The following CCN4 variants were observed in gnomAD, a reference collection of about 807,000 sequenced individuals.
CCN4 encodes cellular communication network factor 4, also known as CCN family member 4.
A neutral mutation model predicts 36.7 loss-of-function variants in CCN4; 30 were observed. The observed-to-expected ratio is 0.82, with a 90% CI of 0.61 to 1.11. The LOEUF is 1.11. Among genes scored for constraint, CCN4 ranks in the 50% least tolerant of loss-of-function variants. CCN4 has a pLI of 0.00. For synonymous variants in CCN4, 191 were observed against 195.4 expected, an observed-to-expected ratio of 0.98 and a Z score of 0.19; for missense variants, 505 against 504.9, an observed-to-expected ratio of 1.00 and a Z score of 0.00.
In CCN4 at chr8:133,215,448, GATAC is replaced by G. The variant is rs767794639; in HGVS notation, c.349+2306_349+2309del. Among the ~76,000 whole-genome samples the G allele has an allele frequency of 6.9e-3, 1,046 of 152,230 alleles. 6 individuals are homozygous for G. The highest frequency in any genetic ancestry group is 0.012 in the Non-Finnish European group (839 of 68,004). ...AACTGTTCTTCAAGGTCATTAAAAA[GATAC>G]TTCTTTTCACTACCATTGCATTAAT... On this transcript the variant is annotated intron_variant, in intron 2 of 4. Transcript: ENST00000250160.
intron 1 of CCN4, among the ~76,000 whole-genome samples, chr8:133,194,454 GTA>G (rs1853250115): frequency 2.3e-5 from 2 of 85,642 alleles, no homozygotes; most frequent in Admixed American, 1.1e-4. Flanking sequence ...TGTGTGTGTG[GTA>G]TGTGTGTGGG....
At chr8:133,206,494 G>A (rs115997898) in intron 1 of CCN4, among the ~76,000 whole-genome samples, 198 of 152,250 alleles carry the variant, frequency 1.3e-3, no homozygotes, top group African/African-American at 4.5e-3. Flanking sequence ...CCTTTTTTTG[G>A]GGGGTGGAAA....
chr8:133,201,952 T>C (rs1313674843), intron 1 of CCN4, among the ~76,000 whole-genome samples: 1 of 152,204 alleles, frequency 6.6e-6, no homozygotes, highest in East Asian at 1.9e-4. Flanking sequence ...CCGATGCGTA[T>C]GTAGGGTTCG....
intron 3 of CCN4, among the ~76,000 whole-genome samples, chr8:133,224,457 C>G (rs1348092223): frequency 6.6e-6 from 1 of 151,724 alleles, no homozygotes; most frequent in Non-Finnish European, 1.5e-5. Context: ...CTAGGCTAGT[C>G]TCAAACTCCT....
intron 2 of CCN4, among the ~76,000 whole-genome samples, chr8:133,216,545 T>C (rs965958144): frequency 1.3e-5 from 2 of 151,950 alleles, no homozygotes; most frequent in Non-Finnish European, 2.9e-5. Flanking sequence ...TGGCAATACA[T>C]TCAAAAATAT....
chr8:133,221,384 C>A (rs913029573), intron 3 of CCN4, among the ~76,000 whole-genome samples: 6 of 152,078 alleles, frequency 3.9e-5, no homozygotes, highest in Admixed American at 2.6e-4. Context: ...AGCAGGTATC[C>A]AATTAATGTT....
chr8:133,196,299 G>A (rs1460002047), intron 1 of CCN4, among the ~76,000 whole-genome samples: 1 of 152,184 alleles, frequency 6.6e-6, no homozygotes, highest in African/African-American at 2.4e-5. Context: ...CAGCTGAGAT[G>A]TTCCGGAAGC....
intron 2 of CCN4, among the ~76,000 whole-genome samples, chr8:133,213,731 T>C (rs1011531386): frequency 1.4e-5 from 2 of 147,442 alleles, no homozygotes; most frequent in African/African-American, 2.5e-5. Context: ...AAATATAATA[T>C]AAAGATAATA....
At chr8:133,206,994 CG>C (rs897328517) in intron 1 of CCN4, among the ~76,000 whole-genome samples, 6 of 151,986 alleles carry the variant, frequency 3.9e-5, no homozygotes, top group African/African-American at 1.2e-4. Context: ...AGCAGGAAGG[CG>C]GGGGGGAAAC....
Position 133,205,803 on chromosome 8 carries a change from T to C in CCN4, c.70-7061T>C, listed in dbSNP as rs184211589. ...AGATCCTACAGAAGCCTCTGGAAAA[T>C]GTGCAGGCCTTTTTTTGTATTGTTT... On this transcript the variant is annotated intron_variant, in intron 1 of 4. Coordinates refer to ENST00000250160, the MANE Select transcript of CCN4 (RefSeq NM_003882.4). 1.2e-4 allele frequency among the ~76,000 whole-genome samples: 19 copies of C among 152,226 alleles called. No individual in the cohort carries two copies. In the East Asian group the frequency reaches 2.9e-3, roughly 23 times the overall value.
intron 2 of CCN4, among the ~76,000 whole-genome samples, chr8:133,218,893 C>A (rs764386000): frequency 9.2e-5 from 14 of 152,220 alleles, no homozygotes; most frequent in Non-Finnish European, 1.6e-4. Flanking sequence ...CAACCCAAAC[C>A]CTGCTTGTCC....
intron 1 of CCN4, among the ~76,000 whole-genome samples, chr8:133,209,887 T>C (rs576138864): frequency 1.3e-5 from 2 of 152,304 alleles, no homozygotes; most frequent in African/African-American, 2.4e-5. Flanking sequence ...GTGAGTGTGA[T>C]TGTGCCCATA....
intron 1 of CCN4, among the ~76,000 whole-genome samples, chr8:133,192,931 G>T (rs908353953): frequency 2.5e-4 from 38 of 152,156 alleles, no homozygotes; most frequent in African/African-American, 8.9e-4. Flanking sequence ...TGGAGGGAAG[G>T]CTCCCGGGAC....
chr8:133,225,673 T>A (rs115028834), intron 4 of CCN4, 90 bp downstream of exon 4: 1 of 1,322,386 alleles, frequency 7.6e-7, no homozygotes, highest in Admixed American at 2.8e-5. Flanking sequence ...GTGGGGAGCA[T>A]TTGTAAAGTG....
At chr8:133,193,918 G>T (rs1172356206) in intron 1 of CCN4, among the ~76,000 whole-genome samples, 1 of 152,158 alleles carries the variant, frequency 6.6e-6, no homozygotes, top group Admixed American at 6.5e-5. Flanking sequence ...AGAGTAGAGG[G>T]GCTGGAATCA....
At chr8:133,200,041 G>T (rs1853530883) in intron 1 of CCN4, among the ~76,000 whole-genome samples, 1 of 152,180 alleles carries the variant, frequency 6.6e-6, no homozygotes, top group Admixed American at 6.5e-5. Flanking sequence ...GCTCCTAGGG[G>T]TATCCTTGTG....
chr8:133,197,715 G>A (rs1245259206), intron 1 of CCN4, among the ~76,000 whole-genome samples: 1 of 152,158 alleles, frequency 6.6e-6, no homozygotes, highest in African/African-American at 2.4e-5. Flanking sequence ...GTTCAGGCTT[G>A]GGGCTTTGAG....
At chr8:133,218,935 C>T (rs968067708) in intron 2 of CCN4, among the ~76,000 whole-genome samples, 6 of 152,192 alleles carry the variant, frequency 3.9e-5, no homozygotes, top group African/African-American at 1.4e-4. Context: ...TCCTTCTCGA[C>T]TCCTCTCCTT....
At chr8:133,208,943 A>G (rs1165151919) in intron 1 of CCN4, among the ~76,000 whole-genome samples, 1 of 152,248 alleles carries the variant, frequency 6.6e-6, no homozygotes, top group Admixed American at 6.5e-5. Context: ...CCATTGTTAT[A>G]GCATTGATTG....
Sources: gnomAD v4.1 joint callset for allele counts (sites outside exome capture counted in the v4.1 genomes callset) on GRCh38, gnomAD v4.1.1 for gene constraint, MANE v1.5 for transcripts, NCBI Gene and HGNC (gene_info 2026-07-23, HGNC 2026-07-21) for gene names.